The following MDN1 variants were observed in gnomAD, a reference collection of about 807,000 sequenced individuals.
MDN1 encodes the protein midasin.
Under a neutral mutation model 669.2 loss-of-function variants are expected in MDN1, and 266 were observed. That is an observed-to-expected ratio of 0.40 (90% CI 0.36 to 0.44). The LOEUF is 0.44. Among genes scored for constraint, MDN1 ranks in the 20% least tolerant of loss-of-function variants. The pLI is 1.00. For synonymous variants in MDN1, 2,385 were observed against 2,457.1 expected (o/e 0.97, Z 0.87); for missense variants, 5,940 against 6,754.0 (o/e 0.88, Z 4.22).
chr6:89,816,496 AG>A (rs1768842695), intron 1 of MDN1, among the ~76,000 whole-genome samples: 1 of 151,766 alleles, frequency 6.6e-6, no homozygotes, highest in South Asian at 2.1e-4. Context: ...AGGCTGAGGT[AG>A]GTGGATCACT....
intron 20 of MDN1, among the ~76,000 whole-genome samples, chr6:89,755,946 AC>A (rs1817223981): frequency 6.6e-6 from 1 of 152,212 alleles, no homozygotes; most frequent in Non-Finnish European, 1.5e-5. Context: ...TAGAAAAGCA[AC>A]CTTCTTCAAG....
intron 32 of MDN1, among the ~76,000 whole-genome samples, chr6:89,739,986 T>C (rs1269772091): frequency 6.6e-6 from 1 of 152,230 alleles, no homozygotes; most frequent in East Asian, 1.9e-4. Flanking sequence ...TGTAAAGGGC[T>C]AGGCAAAGTG....
chr6:89,790,267 T>A lies in MDN1; in HGVS notation c.990A>T (p.Pro330=). Residue 330 remains proline, a synonymous_variant, in exon 6 of 102, where the codon CCA becomes CCT. Transcript: ENST00000369393. ...ASQNAVLLEG[P]IGCGKTSLVE... is the part of the protein sequence containing the mutation. ...CTAAGGAAGTTTTGCCACATCCTAT[T>A]GGTCCTTCCAACAACACAGCATTCT... 6.2e-7 allele frequency: 1 copy of A among 1,614,156 alleles called. No individual in the cohort carries two copies. The highest frequency in any genetic ancestry group is 1.3e-5 in the African/African-American group (1 of 75,024).
chr6:89,681,299 G>A (rs1020262335), intron 73 of MDN1, among the ~76,000 whole-genome samples: 4 of 151,952 alleles, frequency 2.6e-5, no homozygotes, highest in African/African-American at 7.3e-5. Context: ...TCAGCCTCCC[G>A]AATAGCTGGG....
chr6:89,812,264 G>A (rs1447597793), intron 1 of MDN1, among the ~76,000 whole-genome samples: 18 of 147,140 alleles, frequency 1.2e-4, no homozygotes, highest in African/African-American at 3.7e-4. Context: ...GATTACAGGC[G>A]TGAGCCACCG....
intron 10 of MDN1, 179 bp downstream of exon 10, chr6:89,781,220 A>C (rs770875708): frequency 1.6e-6 from 1 of 627,090 alleles, no homozygotes; most frequent in African/African-American, 1.8e-5. Context: ...ACCATGAAGC[A>C]ACCTATAATT....
At position 89,672,335 on chromosome 6, in the gene MDN1, A is replaced by G. The variant is rs199689254; in HGVS notation, c.13659T>C (p.His4553=). ...YAGFERLQSG[H]LTKLLEDDFW... is the part of the protein sequence containing the mutation. ...AGTCATCCTCTAAGAGTTTTGTTAG[A>G]TGTCCTGATTGCAGTCTCTCAAAGC... Residue 4553 remains histidine, a synonymous_variant, in exon 82 of 102, where the codon CAT becomes CAC. Coordinates refer to ENST00000369393, the MANE Select transcript of MDN1 (RefSeq NM_014611.3). The G allele has an allele frequency of 1.2e-6, 2 of 1,612,466 alleles. No homozygotes were observed.
intron 101 of MDN1, among the ~76,000 whole-genome samples, chr6:89,644,525 T>A (rs772303409): frequency 3.3e-5 from 5 of 152,216 alleles, no homozygotes; most frequent in Admixed American, 6.5e-5. Context: ...GGCCTTAATG[T>A]GACCCACAGA....
rs1454271689 is a variant in MDN1, at chr6:89,762,389, A to G, written c.2286T>C (p.His762=). The stretch of plus-strand genomic sequence containing the variant: ...CATGCTGCATTAGTCTCAGGAGATC[A>G]TGCCACCGTTTCTGTCTGTAACAGG... The part of the protein sequence containing the change: ...IQTCYRQKRW[H]DLLRLMQHVH... The change falls in exon 16 of 102, where the codon CAT becomes CAC. Residue 762 remains histidine (H), a synonymous_variant. Transcript: ENST00000369393. 1.9e-6 allele frequency: 3 copies of G among 1,614,182 alleles called. No individual in the cohort carries two copies. The highest frequency in any genetic ancestry group is 2.5e-6 in the Non-Finnish European group (3 of 1,180,030).
intron 9 of MDN1, 42 bp downstream of exon 9, chr6:89,784,970 A>G (rs910721960): frequency 1.5e-6 from 2 of 1,326,560 alleles, no homozygotes; most frequent in Admixed American, 1.7e-5. Flanking sequence ...CGCGGGAGCC[A>G]CTGCACCTGG....
intron 29 of MDN1, among the ~76,000 whole-genome samples, chr6:89,743,963 C>A (rs573803664): frequency 6.6e-6 from 1 of 151,986 alleles, no homozygotes; most frequent in African/African-American, 2.4e-5. Context: ...ACCAGCTGGG[C>A]GCAGTGCCTC....
chr6:89,785,124 A>G lies in MDN1; in HGVS notation c.1337T>C (p.Leu446Pro), dbSNP rs747377136. Residue 446 changes from leucine (L) to proline (P), a missense_variant and splice_region_variant, in exon 9 of 102, where the codon CTC (leucine) becomes CCC (proline). Around this residue, in one of 5 missense-constraint regions of MDN1, gnomAD observed 1,203 missense variants for 1,268.9 expected, o/e 0.95. Transcript: ENST00000369393. ...PGFQFFATRR[L>P]LSCGGNWYRP... ...ATACCAATTTCCTCCACAGCTCAAG[A>G]GTCTACGTTTCAAAATAAAAAACAC... 2 of 1,607,486 alleles carry G rather than the reference A, an allele frequency of 1.2e-6. No individual in the cohort carries two copies. The highest frequency in any genetic ancestry group is 3.4e-5 in the Admixed American group (2 of 59,242).
At chr6:89,682,471 G>A (rs897558542) in intron 73 of MDN1, among the ~76,000 whole-genome samples, 4 of 152,098 alleles carry the variant, frequency 2.6e-5, no homozygotes, top group African/African-American at 9.7e-5. Flanking sequence ...CACTTTGGGA[G>A]GCTGAGGTGG....
chr6:89,803,640 G>A (rs1484197878), intron 1 of MDN1, 86 bp from the exon 2 acceptor site: 16 of 978,436 alleles, frequency 1.6e-5, no homozygotes, highest in East Asian at 2.6e-5. Context: ...CAAGTGCAGT[G>A]GTGCAATCTC....
At chr6:89,809,116 C>T (rs752930761) in intron 1 of MDN1, among the ~76,000 whole-genome samples, 9 of 147,528 alleles carry the variant, frequency 6.1e-5, no homozygotes, top group Admixed American at 5.6e-4. Flanking sequence ...ACCAGGGAGG[C>T]TGAGGCGGCA....
At position 89,704,725 on chromosome 6, in the gene MDN1, C is replaced by T. The variant is rs887455780; in HGVS notation, c.8148+1334G>A. 4.6e-5 allele frequency among the ~76,000 whole-genome samples: 7 copies of T among 152,224 alleles called. No individual in the cohort carries two copies. In the East Asian group the frequency reaches 7.7e-4, roughly 17 times the overall value. Reference sequence around the variant, plus strand: ...CCTCTCGAGTAGCTGGGACTACAGGCGCCCGCCACCATGCCTGGCTAATTT... The same window carrying T: ...CCTCTCGAGTAGCTGGGACTACAGGTGCCCGCCACCATGCCTGGCTAATTT... On this transcript the variant is annotated intron_variant, in intron 53 of 101. Coordinates refer to ENST00000369393, the MANE Select transcript of MDN1 (RefSeq NM_014611.3).
intron 33 of MDN1, among the ~76,000 whole-genome samples, chr6:89,734,183 G>T (rs1815779100): frequency 6.6e-6 from 1 of 151,922 alleles, no homozygotes. Context: ...TACTTGGGTG[G>T]CTGAGGCACG....
chr6:89,799,779 C>T, intron 2 of MDN1, among the ~76,000 whole-genome samples: 1 of 152,282 alleles, frequency 6.6e-6, no homozygotes, highest in South Asian at 2.1e-4. Context: ...AAGAATGAAA[C>T]TTAAATTTTG....
chr6:89,763,691 A>G (rs1449926438), intron 15 of MDN1, among the ~76,000 whole-genome samples: 2 of 152,166 alleles, frequency 1.3e-5, no homozygotes, highest in African/African-American at 4.8e-5. Flanking sequence ...AGGTACCAAA[A>G]TATGTTTCAC....
Sources: allele counts gnomAD v4.1 joint callset (sites outside exome capture counted in the v4.1 genomes callset), GRCh38; gene constraint gnomAD v4.1.1; regional missense constraint gnomAD v4.1.1; transcripts MANE v1.5; gene names NCBI Gene and HGNC (gene_info 2026-07-23, HGNC 2026-07-21).